The following ACTN1 variants were observed in gnomAD, a reference collection of about 807,000 sequenced individuals.
The protein encoded by ACTN1 is actinin alpha 1.
A neutral mutation model predicts 119.6 loss-of-function variants in ACTN1; 30 were observed. The ratio of observed to expected loss-of-function variants is 0.25; its 90% confidence interval spans 0.19 to 0.34. ACTN1 has a LOEUF of 0.34. ACTN1 is among the 10% of genes least tolerant of loss of function. The pLI is 1.00. For missense variants in ACTN1, 764 were observed against 1,223.4 expected (o/e 0.62, Z 5.60); for synonymous variants, 429 against 472.6 (o/e 0.91, Z 1.20).
At chr14:68,978,282 ACT>A (rs1453548615) in intron 1 of ACTN1, 1 of 452,792 alleles carries the variant, frequency 2.2e-6, no homozygotes, top group African/African-American at 2.0e-5. Flanking sequence ...CTTCCAACCC[ACT>A]GAGTTAAGCA....
chr14:68,880,188 A>G lies in ACTN1; in HGVS notation c.2134-80T>C. The G allele has an allele frequency of 6.5e-7, 1 of 1,535,856 alleles. No individual in the cohort carries two copies. The highest frequency in any genetic ancestry group is 1.9e-5 in the Admixed American group (1 of 52,410). On this transcript the variant is annotated intron_variant, in intron 17 of 21. Transcript: ENST00000394419. The surrounding 1 kb of genome is among the most constrained non-coding windows in gnomAD (Gnocchi z 4.6). ...CGGCCCCTGCCCATCCTACTCCCCA[A>G]CCATCAAAATGGCCAAAGCCATCAA...
intron 8 of ACTN1, among the ~76,000 whole-genome samples, chr14:68,896,435 G>A (rs572569597): frequency 7.6e-4 from 115 of 152,218 alleles, no homozygotes; most frequent in South Asian, 1.7e-3. Context: ...ACACGATCCC[G>A]GGAGCAGAAG....
chr14:68,932,957 T>C (rs1484035311), intron 1 of ACTN1, among the ~76,000 whole-genome samples: 3 of 152,230 alleles, frequency 2.0e-5, no homozygotes, highest in Non-Finnish European at 2.9e-5. Flanking sequence ...CTAATACGTA[T>C]TGACCATTTG....
intron 16 of ACTN1, among the ~76,000 whole-genome samples, chr14:68,881,485 T>C (rs925117413): frequency 6.6e-6 from 1 of 152,212 alleles, no homozygotes; most frequent in African/African-American, 2.4e-5. Context: ...CCAGGCCTAA[T>C]GCCCATTTCT....
At chr14:68,936,569 G>A (rs7144460) in intron 1 of ACTN1, 29,307 of 486,572 alleles carry the variant, frequency 0.06, 1,597 homozygotes, top group African/African-American at 0.18. Context: ...GAACTGTTAC[G>A]GGAATTGAAG....
intron 1 of ACTN1, among the ~76,000 whole-genome samples, chr14:68,977,117 G>A (rs990104435): frequency 1.3e-5 from 2 of 152,168 alleles, no homozygotes; most frequent in Non-Finnish European, 1.5e-5. Flanking sequence ...CACAAAGCAG[G>A]TGCTCCCTAA....
intron 8 of ACTN1, among the ~76,000 whole-genome samples, chr14:68,901,861 C>A (rs980622701): frequency 6.6e-6 from 1 of 152,234 alleles, no homozygotes; most frequent in African/African-American, 2.4e-5. Flanking sequence ...CAGCTGCCCA[C>A]CGCCTCTCCC....
In ACTN1 at chr14:68,979,259, G is replaced by C; in HGVS notation, c.-203C>G. The C allele has an allele frequency of 2.4e-6, 1 of 413,796 alleles. No individual in the cohort carries two copies. The highest frequency in any genetic ancestry group is 3.9e-5 in the South Asian group (1 of 25,522). The allele number at this position is 413,796 out of a possible 1,614,324, so 25.6% of individuals were successfully genotyped here. ...ACAGCGGCGGCTGGGCTCGCGGACT[G>C]CCTGCCTCTGGGCGGGCGCTTGGAC... On this transcript the variant is annotated 5_prime_UTR_variant, in exon 1 of 22. Coordinates refer to ENST00000394419, the MANE Select transcript of ACTN1 (RefSeq NM_001130004.2).
intron 1 of ACTN1, among the ~76,000 whole-genome samples, chr14:68,937,641 A>G (rs934435282): frequency 6.6e-6 from 1 of 152,234 alleles, no homozygotes; most frequent in Non-Finnish European, 1.5e-5. Flanking sequence ...GCTCTGGCCA[A>G]GTGACCCCAG....
At chr14:68,969,146 C>CA (rs1397866835) in intron 1 of ACTN1, among the ~76,000 whole-genome samples, 4 of 151,938 alleles carry the variant, frequency 2.6e-5, no homozygotes, top group Admixed American at 1.3e-4. Flanking sequence ...CAATGAACCT[C>CA]TAAATATAAG....
At chr14:68,941,236 G>A (rs112742936) in intron 1 of ACTN1, among the ~76,000 whole-genome samples, 63 of 152,324 alleles carry the variant, frequency 4.1e-4, no homozygotes, top group African/African-American at 1.4e-3. Flanking sequence ...AGAACAGCAG[G>A]ATAATTCAGT....
intron 1 of ACTN1, among the ~76,000 whole-genome samples, chr14:68,929,094 G>A (rs907620216): frequency 6.6e-6 from 1 of 151,938 alleles, no homozygotes; most frequent in Admixed American, 6.6e-5. Context: ...GAACTGTGGT[G>A]CGTTCGTGGG....
At chr14:68,923,425 G>C (rs888859641) in intron 2 of ACTN1, among the ~76,000 whole-genome samples, 3 of 152,132 alleles carry the variant, frequency 2.0e-5, no homozygotes, top group African/African-American at 7.2e-5. Flanking sequence ...ACACCCTCAA[G>C]CTGCATTTTG....
chr14:68,890,228 A>C lies in ACTN1; in HGVS notation c.1145T>G (p.Leu382Trp), dbSNP rs2032371861. 6.2e-7 allele frequency: 1 copy of C among 1,614,154 alleles called. No individual in the cohort carries two copies. Among genetic ancestry groups the C allele is most frequent in the Non-Finnish European group, 8.5e-7 (1 of 1,180,030 alleles). The change falls in exon 11 of 22, where the codon TTG becomes TGG. Residue 382 changes from leucine to tryptophan, a missense_variant. Physicochemically the swap from Leu to Trp is moderately conservative, Grantham distance 61. This residue lies in a region of ACTN1 where 544 missense variants were observed against 912.0 expected (regional missense o/e 0.60). Coordinates refer to ENST00000394419, the MANE Select transcript of ACTN1 (RefSeq NM_001130004.2). ...EQVEKGYEEW[L>W]LNEIRRLERL... ...CTCCAGCCTCCGGATCTCATTCAGC[A>C]ACCACTCCTCATAGCCCTTCTCCAC...
At chr14:68,905,501 A>G (rs1000149713) in intron 6 of ACTN1, among the ~76,000 whole-genome samples, 1 of 152,220 alleles carries the variant, frequency 6.6e-6, no homozygotes, top group Non-Finnish European at 1.5e-5. Context: ...TTATACCTCC[A>G]TTGTTCATAG....
At chr14:68,898,789 C>T (rs1055430922) in intron 8 of ACTN1, among the ~76,000 whole-genome samples, 1 of 151,812 alleles carries the variant, frequency 6.6e-6, no homozygotes, top group East Asian at 1.9e-4. Context: ...ACAAAAGCAG[C>T]GTGAAATGGT....
In ACTN1 at chr14:68,881,955, T is replaced by TTTTTTTTTTTTTTTTTTGA. The variant is rs58500225; in HGVS notation, c.1953+502_1953+503insTCAAAAAAAAAAAAAAAAA. ...CAGCTTCTTTTTTTTTTTTTTTTTT[T>TTTTTTTTTTTTTTTTTTGA]GACAGAGTCTTGCTCTGTTGCCCAA... On this transcript the variant is annotated intron_variant, in intron 16 of 21. Transcript: ENST00000394419. 4.5e-4 allele frequency among the ~76,000 whole-genome samples: 46 copies of TTTTTTTTTTTTTTTTTTGA among 102,964 alleles called. 7 individuals carry two copies. The highest frequency in any genetic ancestry group is 5.4e-3 in the Middle Eastern group (1 of 184). 67.5% of individuals were successfully genotyped at this position (102,964 alleles called of 152,430 possible).
intron 1 of ACTN1, among the ~76,000 whole-genome samples, chr14:68,968,566 C>T (rs1399729890): frequency 6.6e-6 from 1 of 152,206 alleles, no homozygotes; most frequent in African/African-American, 2.4e-5. Flanking sequence ...CTTGGAACAG[C>T]GGTTAACTCC....
At chr14:68,973,901 C>A (rs572428992) in intron 1 of ACTN1, 2 of 152,374 alleles carry the variant, frequency 1.3e-5, no homozygotes, top group South Asian at 4.1e-4. Flanking sequence ...CATGACCTCT[C>A]TGGGGAGGTG....
Sources: gnomAD v4.1 joint callset for allele counts (sites outside exome capture counted in the v4.1 genomes callset) on GRCh38, gnomAD v4.1.1 for gene constraint, gnomAD v4.1.1 regional missense constraint, Gnocchi (gnomAD v3.1) non-coding constraint, MANE v1.5 for transcripts, NCBI Gene and HGNC (gene_info 2026-07-23, HGNC 2026-07-21) for gene names.